SLC16A2: variants seen among roughly 807,000 people sequenced by gnomAD.
SLC16A2 encodes the protein solute carrier family 16 member 2.
SLC16A2 carries 3 observed loss-of-function variants against 27.2 expected under a neutral mutation model. The ratio of observed to expected loss-of-function variants is 0.11; its 90% CI spans 0.05 to 0.28. The LOEUF (loss-of-function observed/expected upper bound fraction) is 0.28, where lower values mean the gene tolerates loss of function less well. Among genes scored for constraint, SLC16A2 ranks in the 10% least tolerant of loss-of-function variants. SLC16A2 has a pLI of 1.00. For missense variants in SLC16A2, 295 were observed against 458.5 expected, an observed-to-expected ratio of 0.64 and a Z score of 3.26; for synonymous variants, 202 against 187.8, an observed-to-expected ratio of 1.08 and a Z score of -0.62.
chrX:74,487,289 G>T (rs771151763), intron 1 of SLC16A2, among the ~76,000 whole-genome samples: 1 of 110,865 alleles, frequency 9.0e-6, no homozygotes, highest in East Asian at 2.9e-4. Context: ...CATGACCTGG[G>T]TAATAGGCCT....
At chrX:74,525,726 G>T (rs773531847) in intron 3 of SLC16A2, 24 bp from the exon 4 acceptor site, 1 of 1,208,961 alleles carries the variant, frequency 8.3e-7, no homozygotes, top group African/African-American at 1.8e-5. Flanking sequence ...CTGTTTCTGG[G>T]GATCCTTGTG....
chrX:74,511,987 C>T (rs2147866701), intron 1 of SLC16A2, among the ~76,000 whole-genome samples: 1 of 111,863 alleles, frequency 8.9e-6, no homozygotes, highest in East Asian at 2.8e-4. Flanking sequence ...CATTTCTTCC[C>T]TCTGGAGCTC....
chrX:74,474,276 T>G (rs1929418599), intron 1 of SLC16A2, among the ~76,000 whole-genome samples: 1 of 111,946 alleles, frequency 8.9e-6, no homozygotes, highest in Admixed American at 9.5e-5. Context: ...AGTATAAGTT[T>G]TATACTCCTT....
intron 1 of SLC16A2, among the ~76,000 whole-genome samples, chrX:74,494,306 T>C (rs1929892929): frequency 8.9e-6 from 1 of 111,871 alleles, no homozygotes; most frequent in Non-Finnish European, 1.9e-5. Context: ...TATACACAAG[T>C]GGAAGGGCGT....
At chrX:74,425,560 A>G in intron 1 of SLC16A2, among the ~76,000 whole-genome samples, 1 of 111,113 alleles carries the variant, frequency 9.0e-6, no homozygotes, top group African/African-American at 3.3e-5. Context: ...AATTCTGTGG[A>G]AAGTAAAGGC....
At chrX:74,477,632 C>T (rs1929511631) in intron 1 of SLC16A2, among the ~76,000 whole-genome samples, 1 of 112,043 alleles carries the variant, frequency 8.9e-6, no homozygotes, top group Non-Finnish European at 1.9e-5. Context: ...CTATAAATTT[C>T]CCTCTACACA....
chrX:74,471,216 T>C (rs1249322089), intron 1 of SLC16A2, among the ~76,000 whole-genome samples: 1 of 112,153 alleles, frequency 8.9e-6, no homozygotes, highest in African/African-American at 3.2e-5. Flanking sequence ...CTAGGAATTT[T>C]AGAGTTTTGC....
At chrX:74,500,624 C>T (rs1930014777) in intron 1 of SLC16A2, among the ~76,000 whole-genome samples, 1 of 111,312 alleles carries the variant, frequency 9.0e-6, no homozygotes, top group Non-Finnish European at 1.9e-5. Flanking sequence ...CGCTTAGCTC[C>T]CACATATCAG....
chrX:74,459,773 C>T (rs190051311), intron 1 of SLC16A2, among the ~76,000 whole-genome samples: 2 of 111,453 alleles, frequency 1.8e-5, no homozygotes, highest in Non-Finnish European at 3.8e-5. Context: ...ATTCTCCAGA[C>T]TCGGGTGATT....
chrX:74,498,286 C>G (rs1196130327), intron 1 of SLC16A2, among the ~76,000 whole-genome samples: 5 of 111,596 alleles, frequency 4.5e-5, no homozygotes, highest in Non-Finnish European at 5.6e-5. Context: ...GATAACATCA[C>G]TATTATAGAA....
chrX:74,519,180 ATT>A (rs541547665), intron 1 of SLC16A2, among the ~76,000 whole-genome samples: 3 of 102,576 alleles, frequency 2.9e-5, no homozygotes, highest in African/African-American at 1.1e-4. Flanking sequence ...ATTTTATCTG[ATT>A]TTTTTTTTTT....
At chrX:74,483,629 C>A (rs1350574073) in intron 1 of SLC16A2, among the ~76,000 whole-genome samples, 1 of 111,585 alleles carries the variant, frequency 9.0e-6, no homozygotes, top group Non-Finnish European at 1.9e-5. Context: ...CATCTCACCT[C>A]ATGGACAGAA....
At chrX:74,496,578 A>G (rs1929940541) in intron 1 of SLC16A2, among the ~76,000 whole-genome samples, 1 of 112,201 alleles carries the variant, frequency 8.9e-6, no homozygotes, top group African/African-American at 3.2e-5. Flanking sequence ...GTGGGAACCC[A>G]GAACAACCCA....
intron 1 of SLC16A2, among the ~76,000 whole-genome samples, chrX:74,477,869 T>C (rs1304169258): frequency 8.9e-6 from 1 of 112,320 alleles, no homozygotes; most frequent in Non-Finnish European, 1.9e-5. Flanking sequence ...TTACAATTTC[T>C]GTTCTTTTAC....
chrX:74,421,658 G>A lies in SLC16A2; in HGVS notation c.21G>A (p.Ala7=). The part of the protein sequence containing the change: MALQSQ[A]SEEAKGPWQE... ...CCGCGATGGCGCTGCAAAGCCAGGC[G>A]AGCGAGGAAGCAAAGGGGCCCTGGC... The change falls in exon 1 of 6, where the codon GCG becomes GCA. Residue 7 remains alanine (A), a synonymous_variant. Coordinates refer to ENST00000587091, the MANE Select transcript of SLC16A2 (RefSeq NM_006517.5). 2 of 1,203,713 alleles carry A rather than the reference G, an allele frequency of 1.7e-6. No individual in the cohort carries two copies. The highest frequency in any genetic ancestry group is 1.8e-5 in the South Asian group (1 of 56,122).
intron 1 of SLC16A2, 99 bp from the exon 2 acceptor site, chrX:74,520,891 T>C: frequency 1.0e-6 from 1 of 968,335 alleles, no homozygotes; most frequent in Admixed American, 2.2e-5. Flanking sequence ...ACCAATGCAA[T>C]GCCCCCTGTG....
chrX:74,430,249 T>C (rs141510523), intron 1 of SLC16A2, among the ~76,000 whole-genome samples: 38 of 112,246 alleles, frequency 3.4e-4, no homozygotes, highest in Non-Finnish European at 5.3e-4. Flanking sequence ...TTAAGTAACT[T>C]GCTCAAACTC....
intron 1 of SLC16A2, among the ~76,000 whole-genome samples, chrX:74,451,939 A>G (rs776854631): frequency 8.9e-6 from 1 of 112,870 alleles, no homozygotes; most frequent in Admixed American, 9.3e-5. Flanking sequence ...TGCTACCATT[A>G]ATAAGGGGCT....
intron 1 of SLC16A2, among the ~76,000 whole-genome samples, chrX:74,430,480 A>G (rs891698444): frequency 5.4e-5 from 6 of 112,053 alleles, no homozygotes; most frequent in Admixed American, 9.5e-5. Flanking sequence ...CTCATGATAC[A>G]TGGCATACTC....
Sources: allele counts gnomAD v4.1 joint callset (sites outside exome capture counted in the v4.1 genomes callset), GRCh38; gene constraint gnomAD v4.1.1; transcripts MANE v1.5; gene names NCBI Gene and HGNC (gene_info 2026-07-23, HGNC 2026-07-21).